The following LRP1B variants were observed in gnomAD, a reference collection of about 807,000 sequenced individuals.
LRP1B encodes the protein low-density lipoprotein receptor-related protein 1B.
A neutral mutation model predicts 556.6 loss-of-function variants in LRP1B; 217 were observed. The observed-to-expected ratio is 0.39, with a 90% confidence interval of 0.35 to 0.44. LRP1B has a LOEUF of 0.44. Ranked by LOEUF, LRP1B falls within the 20% of genes least tolerant of loss-of-function variation. The pLI, the probability that LRP1B is intolerant of heterozygous loss-of-function variation, is 1.00. For missense variants in LRP1B, 5,053 were observed against 5,620.8 expected (o/e 0.90, Z 3.23); for synonymous variants, 2,047 against 1,865.8 (o/e 1.10, Z -2.50).
At chr2:141,047,061 TAATAA>T (rs1558823509) in intron 11 of LRP1B, among the ~76,000 whole-genome samples, 131 of 7,424 alleles carry the variant, frequency 0.018, 1 homozygote, top group South Asian at 0.14. Context: ...AAATTAATAA[TAATAA>T]TAATAATAAT....
At position 140,297,812 on chromosome 2, in the gene LRP1B, C is replaced by T. The variant is rs2105000405; in HGVS notation, c.12963G>A (p.Gln4321=). 1.9e-6 allele frequency: 3 copies of T among 1,612,736 alleles called. No homozygotes were observed. The highest frequency in any genetic ancestry group is 1.1e-5 in the South Asian group (1 of 91,002). ...CQPEYTGDRC[Q]YYVCHHYCVN... Reference sequence around the variant, plus strand: ...CTGGGTGCTGCTTTTACTTACAGTACTGACATCTGTCTCCGGTGTATTCCG... The same window carrying T: ...CTGGGTGCTGCTTTTACTTACAGTATTGACATCTGTCTCCGGTGTATTCCG... The change falls in exon 84 of 91, where the codon CAG becomes CAA. Residue 4321 remains glutamine (Q), a synonymous_variant. Transcript: ENST00000389484.
At chr2:141,204,869 G>T (rs927683186) in intron 6 of LRP1B, among the ~76,000 whole-genome samples, 2 of 151,978 alleles carry the variant, frequency 1.3e-5, no homozygotes, top group African/African-American at 4.8e-5. Flanking sequence ...CCCAAGAGGT[G>T]GGGTTTGCAG....
chr2:142,024,397 C>T (rs1288449871), intron 1 of LRP1B, among the ~76,000 whole-genome samples: 1 of 152,140 alleles, frequency 6.6e-6, no homozygotes, highest in Non-Finnish European at 1.5e-5. Context: ...CTGGCCCTTG[C>T]CTTGGAGTTT....
chr2:140,607,237 G>C (rs1021388565), intron 41 of LRP1B, among the ~76,000 whole-genome samples: 1 of 152,058 alleles, frequency 6.6e-6, no homozygotes, highest in Non-Finnish European at 1.5e-5. Flanking sequence ...AATCACACTT[G>C]ATATTCATTA....
At chr2:140,872,907 A>G (rs570659790) in intron 25 of LRP1B, among the ~76,000 whole-genome samples, 1 of 143,280 alleles carries the variant, frequency 7.0e-6, no homozygotes, top group Admixed American at 6.9e-5. Context: ...CAAGCATAAT[A>G]TGTTTATGTA....
intron 3 of LRP1B, among the ~76,000 whole-genome samples, chr2:141,467,112 ATATATATATAT>A (rs1682251450): frequency 8.6e-4 from 2 of 2,320 alleles, no homozygotes; most frequent in Non-Finnish European, 3.4e-3. Context: ...GTATATATAT[ATATATATATAT>A]CTATATATAT....
chr2:141,821,013 G>A (rs1344606498), intron 1 of LRP1B, among the ~76,000 whole-genome samples: 1 of 152,174 alleles, frequency 6.6e-6, no homozygotes, highest in Non-Finnish European at 1.5e-5. Flanking sequence ...CTTGCCAGGG[G>A]GAGATCAGAG....
At chr2:140,384,732 A>G (rs1243287113) in intron 67 of LRP1B, among the ~76,000 whole-genome samples, 4 of 152,224 alleles carry the variant, frequency 2.6e-5, no homozygotes, top group Non-Finnish European at 5.9e-5. Flanking sequence ...ATGCTTTAAT[A>G]TAACATATTC....
chr2:141,844,314 A>G (rs1482598516), intron 1 of LRP1B, among the ~76,000 whole-genome samples: 1 of 152,088 alleles, frequency 6.6e-6, no homozygotes, highest in East Asian at 1.9e-4. Context: ...GTTTTTACAG[A>G]ACTCTTTATC....
At chr2:140,324,518 A>T (rs967011224) in intron 80 of LRP1B, among the ~76,000 whole-genome samples, 3 of 152,100 alleles carry the variant, frequency 2.0e-5, no homozygotes, top group Non-Finnish European at 4.4e-5. Context: ...ATTTTTAATG[A>T]GTAAATCCAA....
chr2:140,398,928 A>ATT (rs1275288618), intron 66 of LRP1B, among the ~76,000 whole-genome samples: 1 of 152,048 alleles, frequency 6.6e-6, no homozygotes, highest in Non-Finnish European at 1.5e-5. Flanking sequence ...TCAGAATTAC[A>ATT]TTTTTTTAAA....
At chr2:141,039,823 A>G (rs1698643554) in intron 11 of LRP1B, among the ~76,000 whole-genome samples, 1 of 152,046 alleles carries the variant, frequency 6.6e-6, no homozygotes, top group Non-Finnish European at 1.5e-5. Flanking sequence ...ATGCATGTCT[A>G]CTTTTCAGAC....
chr2:141,931,181 A>G (rs893894599), intron 1 of LRP1B, among the ~76,000 whole-genome samples: 1 of 152,074 alleles, frequency 6.6e-6, no homozygotes, highest in Non-Finnish European at 1.5e-5. Flanking sequence ...TTTGCTATGT[A>G]TCAAGTAAAA....
chr2:141,726,889 G>A (rs1308018999), intron 2 of LRP1B, among the ~76,000 whole-genome samples: 2 of 152,050 alleles, frequency 1.3e-5, no homozygotes, highest in African/African-American at 4.8e-5. Context: ...TCCTTGAAAG[G>A]ATTTTGAAGG....
chr2:140,260,284 T>C (rs1049407957), intron 86 of LRP1B, among the ~76,000 whole-genome samples: 6 of 151,910 alleles, frequency 3.9e-5, no homozygotes, highest in African/African-American at 1.4e-4. Context: ...GTTAGGTCTT[T>C]TGAGTTTTCC....
At chr2:141,216,540 C>T (rs1682822407) in intron 6 of LRP1B, among the ~76,000 whole-genome samples, 1 of 152,024 alleles carries the variant, frequency 6.6e-6, no homozygotes, top group Non-Finnish European at 1.5e-5. Context: ...TCCTTCATAC[C>T]CCAGAATGAG....
intron 41 of LRP1B, among the ~76,000 whole-genome samples, chr2:140,684,824 C>T (rs1685992339): frequency 6.6e-6 from 1 of 152,034 alleles, no homozygotes; most frequent in Non-Finnish European, 1.5e-5. Flanking sequence ...ATAATCTGGG[C>T]CCAAGATGCG....
rs1559094627 is a variant in LRP1B at position 140,748,784 on chromosome 2, A to AC, written c.5758+20428_5758+20429insG. On this transcript the variant is annotated intron_variant, in intron 35 of 90. Transcript: ENST00000389484. ...ATATACATGTATATAATATGTATAT[A>AC]ATATATATTATATACATATTATATA... Among the ~76,000 whole-genome samples, 106 of 43,062 alleles carry AC rather than the reference A, an allele frequency of 2.5e-3. 2 individuals carry two copies. Among genetic ancestry groups the AC allele is most frequent in the African/African-American group, 6.7e-3 (104 of 15,464 alleles). The allele number at this position is 43,062 out of a possible 152,430, so 28.3% of individuals were successfully genotyped here. A position where few individuals can be genotyped will look rare whatever the true frequency, so the allele number is the denominator to read the frequency against.
chr2:140,769,571 T>C (rs1559108140), intron 34 of LRP1B, among the ~76,000 whole-genome samples: 2 of 151,940 alleles, frequency 1.3e-5, no homozygotes, highest in Admixed American at 1.3e-4. Flanking sequence ...AAATAGGAAT[T>C]TATTAAAATG....
Sources: allele counts gnomAD v4.1 joint callset (sites outside exome capture counted in the v4.1 genomes callset), GRCh38; gene constraint gnomAD v4.1.1; transcripts MANE v1.5; gene names NCBI Gene and HGNC (gene_info 2026-07-23, HGNC 2026-07-21).